The following UBE2R2 variants were observed in gnomAD, a reference collection of about 807,000 sequenced individuals.
UBE2R2 encodes ubiquitin-conjugating enzyme E2 R2.
In UBE2R2, 1 loss-of-function variant was observed where a neutral mutation model predicts 27.8. That is an observed-to-expected ratio of 0.04 (90% CI 0.01 to 0.17). UBE2R2 has a LOEUF of 0.17. Among genes scored for constraint, UBE2R2 ranks in the 10% least tolerant of loss-of-function variants. The probability of loss-of-function intolerance (pLI) is 1.00; values close to 1 mark genes in which losing one functional copy is unlikely to be tolerated. For missense variants in UBE2R2, 100 were observed against 291.0 expected (o/e 0.34, Z 4.78); for synonymous variants, 106 against 113.3 (o/e 0.94, Z 0.41).
chr9:33,852,617 TTTC>T (rs1587445015), intron 1 of UBE2R2, among the ~76,000 whole-genome samples: 1 of 152,150 alleles, frequency 6.6e-6, no homozygotes, highest in Non-Finnish European at 1.5e-5. Flanking sequence ...GGTGGCCTAT[TTTC>T]TTCTTCTAGG....
rs1472474052 is a variant in UBE2R2, at chr9:33,817,772, G to A, written c.15G>A (p.Gln5=). 5 of 1,589,842 alleles carry A rather than the reference G, an allele frequency of 3.1e-6. No individual in the cohort carries two copies. Among genetic ancestry groups the A allele is most frequent in the Non-Finnish European group, 4.3e-6 (5 of 1,169,140 alleles). The change falls in exon 1 of 5, where the codon CAG becomes CAA. Residue 5 remains glutamine, a synonymous_variant. Coordinates refer to ENST00000263228, the MANE Select transcript of UBE2R2 (RefSeq NM_017811.4). The part of the protein sequence containing the change: MAQQ[Q]MTSSQKALML... ...CCGCCGCCGCGATGGCCCAGCAGCA[G>A]ATGACCAGCTCGCAGAAGGCCCTGA... is the stretch of plus-strand genomic sequence containing the variant.
chr9:33,911,890 A>C, intron 3 of UBE2R2, 74 bp from the exon 4 acceptor site: 1 of 1,415,740 alleles, frequency 7.1e-7, no homozygotes, highest in Non-Finnish European at 9.4e-7. Flanking sequence ...TGATTGTACT[A>C]TCTTAAAAAG....
At chr9:33,869,423 T>TTTTTTTTA (rs148327191) in intron 1 of UBE2R2, among the ~76,000 whole-genome samples, 1 of 146,526 alleles carries the variant, frequency 6.8e-6, no homozygotes, top group African/African-American at 2.5e-5. Flanking sequence ...ATATACAATG[T>TTTTTTTTA]TTTATTTATT....
Position 33,894,694 on chromosome 9 carries a change from C to G in UBE2R2, c.265-5480C>G, listed in dbSNP as rs186367614. ...AGAAGGATTGCTTGAGCTCAGAAGT[C>G]AGGACAATCCTGAGTAACAGCGCAA... On this transcript the variant is annotated intron_variant, in intron 2 of 4. Transcript: ENST00000263228. Among the ~76,000 whole-genome samples, 167 of 152,284 alleles carry G rather than the reference C, an allele frequency of 1.1e-3. 1 individual carries two copies. Among genetic ancestry groups the G allele is most frequent in the African/African-American group, 3.9e-3 (160 of 41,550 alleles).
At chr9:33,911,928 G>C in intron 3 of UBE2R2, 36 bp from the exon 4 acceptor site, 1 of 1,583,798 alleles carries the variant, frequency 6.3e-7, no homozygotes, top group Non-Finnish European at 8.6e-7. Flanking sequence ...CTGTAAATAT[G>C]GGTATTCATA....
chr9:33,854,768 G>A (rs1448814550), intron 1 of UBE2R2, among the ~76,000 whole-genome samples: 1 of 150,398 alleles, frequency 6.6e-6, no homozygotes, highest in Admixed American at 6.6e-5. Context: ...ACCCAGACTG[G>A]AGTGCAGTGG....
intron 1 of UBE2R2, among the ~76,000 whole-genome samples, chr9:33,871,742 G>A (rs1333348420): frequency 2.6e-5 from 4 of 152,084 alleles, no homozygotes; most frequent in Non-Finnish European, 5.9e-5. Context: ...ACGGAGTCTC[G>A]CTCTGTCGCC....
intron 2 of UBE2R2, among the ~76,000 whole-genome samples, chr9:33,890,428 G>A (rs1821953855): frequency 6.6e-6 from 1 of 152,102 alleles, no homozygotes; most frequent in Non-Finnish European, 1.5e-5. Context: ...TCAGCTGGGT[G>A]TGGTGGCACG....
At chr9:33,857,522 G>C (rs1283800784) in intron 1 of UBE2R2, among the ~76,000 whole-genome samples, 1 of 151,690 alleles carries the variant, frequency 6.6e-6, no homozygotes, top group African/African-American at 2.4e-5. Context: ...CACCATGTTG[G>C]CCAGGCTGGT....
chr9:33,835,277 G>C (rs756842693), intron 1 of UBE2R2, among the ~76,000 whole-genome samples: 9 of 150,806 alleles, frequency 6.0e-5, no homozygotes, highest in Non-Finnish European at 1.3e-4. Flanking sequence ...CTCCCGAGTA[G>C]TTGGGACTAC....
At chr9:33,855,406 T>G (rs1821078869) in intron 1 of UBE2R2, among the ~76,000 whole-genome samples, 2 of 152,360 alleles carry the variant, frequency 1.3e-5, no homozygotes, top group South Asian at 4.1e-4. Context: ...CTGGTTTTTG[T>G]CCATCTTTGA....
chr9:33,867,362 T>G (rs1821388052), intron 1 of UBE2R2, among the ~76,000 whole-genome samples: 1 of 152,230 alleles, frequency 6.6e-6, no homozygotes, highest in Non-Finnish European at 1.5e-5. Flanking sequence ...TTGGGTAGTT[T>G]CAGATTTTGT....
In UBE2R2 at chr9:33,859,760, TTGTGTGTG is replaced by T. The variant is rs57089790; in HGVS notation, c.178-27088_178-27081del. On this transcript the variant is annotated intron_variant, in intron 1 of 4. Transcript: ENST00000263228. The stretch of plus-strand genomic sequence containing the variant: ...CAGTCCTTGTGGTTATCTAAGCCTT[TTGTGTGTG>T]TGTGTGTGTGTGTGTGTGTGTGTGT... 2.2e-3 allele frequency among the ~76,000 whole-genome samples: 283 copies of T among 130,704 alleles called. 1 individual carries two copies. The highest frequency in any genetic ancestry group is 7.5e-3 in the African/African-American group (258 of 34,442). 85.7% of individuals were successfully genotyped at this position (130,704 alleles called of 152,430 possible).
chr9:33,838,078 T>C (rs1820652746), intron 1 of UBE2R2, among the ~76,000 whole-genome samples: 1 of 152,104 alleles, frequency 6.6e-6, no homozygotes, highest in African/African-American at 2.4e-5. Flanking sequence ...ACCAAAATCT[T>C]GAATGGTCAA....
At chr9:33,916,883 C>G (rs1433408255) in intron 4 of UBE2R2, 135 bp from the exon 5 acceptor site, 1 of 1,354,560 alleles carries the variant, frequency 7.4e-7, no homozygotes, top group Non-Finnish European at 9.9e-7. Context: ...TACAGGGTAT[C>G]TGTCAGATGC....
chr9:33,869,824 T>G (rs916942427), intron 1 of UBE2R2, among the ~76,000 whole-genome samples: 22 of 151,902 alleles, frequency 1.4e-4, no homozygotes, highest in African/African-American at 5.3e-4. Context: ...TTTTTATTTT[T>G]AAATTATTTT....
At chr9:33,885,080 G>T (rs1479689376) in intron 1 of UBE2R2, among the ~76,000 whole-genome samples, 2 of 152,172 alleles carry the variant, frequency 1.3e-5, no homozygotes, top group African/African-American at 4.8e-5. Context: ...TTGTAGAGAG[G>T]CTCTGCGTAT....
chr9:33,902,756 T>C (rs2130811990), intron 3 of UBE2R2, among the ~76,000 whole-genome samples: 1 of 152,358 alleles, frequency 6.6e-6, no homozygotes, highest in East Asian at 1.9e-4. Context: ...TAGCAAATTA[T>C]GTATACATGA....
chr9:33,863,300 C>T (rs901233365), intron 1 of UBE2R2, among the ~76,000 whole-genome samples: 2 of 151,572 alleles, frequency 1.3e-5, no homozygotes, highest in African/African-American at 4.8e-5. Context: ...AGGGCAGATT[C>T]ATCACCTGAG....
Sources: gnomAD v4.1 joint callset for allele counts (sites outside exome capture counted in the v4.1 genomes callset) on GRCh38, gnomAD v4.1.1 for gene constraint, MANE v1.5 for transcripts, NCBI Gene and HGNC (gene_info 2026-07-23, HGNC 2026-07-21) for gene names.